Variants in SLC25A26 observed in about 807,000 individuals in gnomAD.
SLC25A26 encodes the protein mitochondrial S-adenosylmethionine carrier protein.
Under a neutral mutation model 37.8 loss-of-function variants are expected in SLC25A26, and 36 were observed. The ratio of observed to expected loss-of-function variants is 0.95; its 90% confidence interval spans 0.73 to 1.26. SLC25A26 has a LOEUF of 1.26. SLC25A26 is among the 50% of genes most tolerant of loss of function. SLC25A26 has a pLI of 0.00. For synonymous variants in SLC25A26, 129 were observed against 122.5 expected, an observed-to-expected ratio of 1.05 and a Z score of -0.35; for missense variants, 390 against 331.1, an observed-to-expected ratio of 1.18 and a Z score of -1.38.
intron 1 of SLC25A26, among the ~76,000 whole-genome samples, chr3:66,147,964 G>A (rs551737298): frequency 1.6e-4 from 24 of 151,972 alleles, no homozygotes; most frequent in Non-Finnish European, 2.4e-4. Flanking sequence ...TCACCCTGTC[G>A]GCCAGGCTGG....
intron 1 of SLC25A26, among the ~76,000 whole-genome samples, chr3:66,169,094 C>G (rs1021693218): frequency 6.6e-5 from 10 of 152,172 alleles, no homozygotes; most frequent in Non-Finnish European, 1.5e-4. Flanking sequence ...TACTGCTATC[C>G]ATCCTGGGTG....
At chr3:66,317,769 T>C (rs1470269468) in intron 5 of SLC25A26, among the ~76,000 whole-genome samples, 2 of 152,160 alleles carry the variant, frequency 1.3e-5, no homozygotes, top group Non-Finnish European at 2.9e-5. Context: ...GGGGCTCCTG[T>C]CAGGGATATC....
intron 3 of SLC25A26, among the ~76,000 whole-genome samples, chr3:66,253,448 C>T (rs1365641396): frequency 6.6e-6 from 1 of 151,494 alleles, no homozygotes; most frequent in Non-Finnish European, 1.5e-5. Context: ...TCTGGATTAT[C>T]CACGTGGGCC....
chr3:66,222,678 A>G (rs531218937), intron 1 of SLC25A26, among the ~76,000 whole-genome samples: 1 of 152,362 alleles, frequency 6.6e-6, no homozygotes, highest in Admixed American at 6.5e-5. Flanking sequence ...TAACTAGTTC[A>G]AAATCACACA....
intron 1 of SLC25A26, among the ~76,000 whole-genome samples, chr3:66,195,730 C>T (rs2071035367): frequency 6.6e-6 from 1 of 152,200 alleles, no homozygotes; most frequent in Non-Finnish European, 1.5e-5. Context: ...ATTAGGTCAA[C>T]ACTATCCAAA....
chr3:66,361,575 G>C (rs2076708545), intron 6 of SLC25A26, among the ~76,000 whole-genome samples: 1 of 152,172 alleles, frequency 6.6e-6, no homozygotes, highest in African/African-American at 2.4e-5. Context: ...GTACAAATGT[G>C]CAACATATTT....
At chr3:66,251,006 AG>A (rs1287859773) in intron 3 of SLC25A26, among the ~76,000 whole-genome samples, 5 of 152,124 alleles carry the variant, frequency 3.3e-5, no homozygotes, top group African/African-American at 1.2e-4. Flanking sequence ...TCTCAGTTAT[AG>A]TACAATTTTA....
Position 66,377,771 on chromosome 3 carries a change from C to A in SLC25A26, c.789C>A (p.His263Gln). ...TTCTGGGGGCTTATGACCGAACGCA[C>A]AGCTTGCTGTTGGAAGTTGGCAGAA... ...FIFLGAYDRTHSLLLEVGRKS... is the reference protein window; with the variant it reads ...FIFLGAYDRTQSLLLEVGRKS... Residue 263 changes from histidine to glutamine, a missense_variant, in exon 10 of 10, where the codon CAC becomes CAA. Transcript: ENST00000354883. 6.2e-7 allele frequency: 1 copy of A among 1,613,942 alleles called. No individual in the cohort carries two copies.
intron 5 of SLC25A26, among the ~76,000 whole-genome samples, chr3:66,313,871 T>C (rs2075454712): frequency 6.6e-6 from 1 of 152,196 alleles, no homozygotes; most frequent in Non-Finnish European, 1.5e-5. Flanking sequence ...TATTTTTTTC[T>C]CTTTGTAGCA....
chr3:66,155,615 GAC>G (rs2070270970), intron 1 of SLC25A26, among the ~76,000 whole-genome samples: 1 of 152,238 alleles, frequency 6.6e-6, no homozygotes, highest in South Asian at 2.1e-4. Context: ...TTTGTCATTA[GAC>G]ATTATTTGTT....
chr3:66,273,382 G>C (rs1210227391), intron 5 of SLC25A26, among the ~76,000 whole-genome samples: 1 of 151,804 alleles, frequency 6.6e-6, no homozygotes, highest in East Asian at 1.9e-4. Context: ...GTTCCTCCTT[G>C]TACCTCTGGT....
chr3:66,216,605 C>T (rs1481866258), upstream of SLC25A26, among the ~76,000 whole-genome samples: 2 of 151,566 alleles, frequency 1.3e-5, no homozygotes, highest in East Asian at 1.9e-4. Context: ...AGATTATGTC[C>T]TTGTTTTTTG....
chr3:66,190,017 A>C (rs1038471273), intron 1 of SLC25A26, among the ~76,000 whole-genome samples: 1,656 of 152,214 alleles, frequency 0.011, 31 homozygotes, highest in African/African-American at 0.038. Flanking sequence ...TCAAAGTAAG[A>C]AACTACAGTT....
At chr3:66,135,697 A>T (rs1174826048) in intron 1 of SLC25A26, among the ~76,000 whole-genome samples, 1 of 152,142 alleles carries the variant, frequency 6.6e-6, no homozygotes, top group Non-Finnish European at 1.5e-5. Context: ...TGAGCCTGGG[A>T]GGTTGAGGCT....
chr3:66,177,147 AT>A (rs1284426877), intron 1 of SLC25A26, among the ~76,000 whole-genome samples: 1 of 152,232 alleles, frequency 6.6e-6, no homozygotes, highest in Non-Finnish European at 1.5e-5. Flanking sequence ...AAGAAAGGCC[AT>A]CTGGGTTGAG....
At chr3:66,194,056 T>C (rs1196254961) in intron 1 of SLC25A26, among the ~76,000 whole-genome samples, 3 of 152,218 alleles carry the variant, frequency 2.0e-5, no homozygotes, top group Non-Finnish European at 4.4e-5. Context: ...CCAACACTGG[T>C]GGCTTAATTT....
At chr3:66,136,643 A>G (rs2069950858) in intron 1 of SLC25A26, among the ~76,000 whole-genome samples, 3 of 152,246 alleles carry the variant, frequency 2.0e-5, no homozygotes, top group African/African-American at 2.4e-5. Context: ...TGATTTATAC[A>G]TTCTTTCACC....
intron 3 of SLC25A26, among the ~76,000 whole-genome samples, chr3:66,248,818 GCATCTCCC>G (rs2072961552): frequency 2.0e-5 from 3 of 152,194 alleles, no homozygotes; most frequent in African/African-American, 7.2e-5. Context: ...GGCCCGATGA[GCATCTCCC>G]CATACTTCAC....
Position 66,243,202 on chromosome 3 carries a change from G to C in SLC25A26, c.191-1G>C. ...AAAGACTGGCTTGTTTTAAATTTCA[G>C]CTGCTGCATTTTTTATCACCTATGA... is the stretch of plus-strand genomic sequence containing the variant. On this transcript the variant is annotated splice_acceptor_variant, in intron 2 of 9. Coordinates refer to ENST00000354883, the MANE Select transcript of SLC25A26 (RefSeq NM_001379210.1). LOFTEE classifies it high-confidence loss of function. 6.4e-7 allele frequency: 1 copy of C among 1,552,580 alleles called. No individual in the cohort carries two copies. Among genetic ancestry groups the C allele is most frequent in the South Asian group, 1.2e-5 (1 of 85,792 alleles).
Sources: gnomAD v4.1 joint callset for allele counts (sites outside exome capture counted in the v4.1 genomes callset) on GRCh38, gnomAD v4.1.1 for gene constraint, MANE v1.5 for transcripts, NCBI Gene and HGNC (gene_info 2026-07-23, HGNC 2026-07-21) for gene names.